The following TUFT1 variants were observed in gnomAD, a reference collection of about 807,000 sequenced individuals.
The protein encoded by TUFT1 is tuftelin 1.
TUFT1 carries 43 observed loss-of-function variants against 57.8 expected under a neutral mutation model. That is an observed-to-expected ratio of 0.74 (90% CI 0.58 to 0.96). The LOEUF (loss-of-function observed/expected upper bound fraction) is 0.96. TUFT1 is among the 40% of genes least tolerant of loss of function. The pLI, the probability that TUFT1 is intolerant of heterozygous loss-of-function variation, is 0.00. For missense variants in TUFT1, 459 were observed against 489.0 expected, an observed-to-expected ratio of 0.94 and a Z score of 0.58; for synonymous variants, 166 against 176.7, an observed-to-expected ratio of 0.94 and a Z score of 0.48.
chr1:151,562,544 A>C, intron 2 of TUFT1, 41 bp from the exon 3 acceptor site: 254 of 1,397,046 alleles, frequency 1.8e-4, no homozygotes, highest in Non-Finnish European at 2.2e-4. Context: ...TGTCTGAGCC[A>C]TCTCTCTCTC....
In TUFT1 at chr1:151,566,236, A is replaced by G. The variant is rs775109904; in HGVS notation, c.480+8A>G. ...TACAGCAGCCCACCTGAGGTAGGTA[A>G]CAGAGGACACCATGGTGGCTCCGCT... is the stretch of plus-strand genomic sequence containing the variant. On this transcript the variant is annotated splice_region_variant and intron_variant, in intron 6 of 12. Transcript: ENST00000368849. 4.3e-6 allele frequency: 7 copies of G among 1,609,334 alleles called. No homozygotes were observed. The highest frequency in any genetic ancestry group is 1.7e-4 in the Middle Eastern group (1 of 5,982).
chr1:151,549,432 C>T (rs1440556657), intron 1 of TUFT1, among the ~76,000 whole-genome samples: 2 of 152,198 alleles, frequency 1.3e-5, no homozygotes, highest in Non-Finnish European at 2.9e-5. Context: ...AGAGAGAGCC[C>T]TAAGTTTTTC....
chr1:151,564,386 C>T, intron 4 of TUFT1, 139 bp from the exon 5 acceptor site: 1 of 638,788 alleles, frequency 1.6e-6, no homozygotes, highest in African/African-American at 1.8e-5. Context: ...TGACCAAGGT[C>T]CCTCCCTCCA....
intron 11 of TUFT1, 142 bp from the exon 12 acceptor site, chr1:151,580,800 G>A: frequency 1.5e-6 from 1 of 673,544 alleles, no homozygotes; most frequent in Admixed American, 2.3e-5. Flanking sequence ...GAGGCAAGTG[G>A]GTATCCAGGT....
rs1665120776 is a variant in TUFT1, at chr1:151,540,408, C to T, written c.42C>T (p.His14=). 1 of 1,614,160 alleles carries T rather than the reference C, an allele frequency of 6.2e-7. No homozygotes were observed. Residue 14 remains histidine (H), a synonymous_variant, in exon 1 of 13, where the codon CAC becomes CAT. Transcript: ENST00000368849. ...ACTGGTGTACCCTGGTGGACGTGCA[C>T]CCAGAGGACCAGGCGGCGGTAAGAA... ...TRNWCTLVDV[H]PEDQAAGSVD...
chr1:151,554,561 G>A (rs1469765403), intron 1 of TUFT1, among the ~76,000 whole-genome samples: 1 of 151,416 alleles, frequency 6.6e-6, no homozygotes, highest in African/African-American at 2.4e-5. Flanking sequence ...TACCACACCC[G>A]GCTAATTTTT....
chr1:151,573,891 G>A (rs1451418947), intron 7 of TUFT1, among the ~76,000 whole-genome samples: 1 of 152,176 alleles, frequency 6.6e-6, no homozygotes, highest in Non-Finnish European at 1.5e-5. Flanking sequence ...AGGAACTGGA[G>A]GTATCCTCCC....
chr1:151,541,166 G>A (rs566664085), intron 1 of TUFT1, among the ~76,000 whole-genome samples: 116 of 152,246 alleles, frequency 7.6e-4, no homozygotes, highest in African/African-American at 2.7e-3. Context: ...CAGGCCCTGG[G>A]ATAGTGGAGG....
At chr1:151,555,329 A>C (rs75883111) in intron 1 of TUFT1, among the ~76,000 whole-genome samples, 1 of 130,192 alleles carries the variant, frequency 7.7e-6, no homozygotes. Flanking sequence ...ACTCCCTCTC[A>C]AAAAAAAAAA....
intron 5 of TUFT1, chr1:151,565,921 A>T (rs113260837): frequency 5.2e-6 from 2 of 384,436 alleles, no homozygotes; most frequent in Admixed American, 7.5e-5. Context: ...TCTTGTTTCT[A>T]TTTTCTCATG....
chr1:151,553,493 G>C (rs1296690379), intron 1 of TUFT1, among the ~76,000 whole-genome samples: 1 of 152,148 alleles, frequency 6.6e-6, no homozygotes, highest in East Asian at 1.9e-4. Context: ...TGGTTTCTAT[G>C]ACCCACCTTG....
chr1:151,544,817 T>G (rs565606221), intron 1 of TUFT1, among the ~76,000 whole-genome samples: 1 of 152,238 alleles, frequency 6.6e-6, no homozygotes, highest in Non-Finnish European at 1.5e-5. Context: ...TGTGTTTACC[T>G]CCATGTTTCT....
chr1:151,581,645 A>G lies in TUFT1; in HGVS notation c.1111A>G (p.Ile371Val). 3.1e-6 allele frequency: 5 copies of G among 1,614,068 alleles called. No individual in the cohort carries two copies. Among genetic ancestry groups the G allele is most frequent in the Admixed American group, 1.7e-5 (1 of 60,010 alleles). ...CAGTGTTTCCAACCTTCTTTTCAGT[A>G]TTAGGATATCCAAGCCGCCTAGCCC... ...ARAKTENPGS[I>V]RISKPPSPKP... Residue 371 changes from isoleucine (I) to valine (V), a missense_variant and splice_region_variant, in exon 13 of 13, where the codon ATT (isoleucine) becomes GTT (valine). Physicochemically the swap from Ile to Val is conservative, Grantham distance 29. Transcript: ENST00000368849.
rs762050269 is a variant in TUFT1 at position 151,581,721 on chromosome 1, G to GGTTGCTGCC, written c.*15_*23dup. The GGTTGCTGCC allele has an allele frequency of 1.9e-6, 3 of 1,614,022 alleles. No homozygotes were observed. The African/African-American group carries it at 4.0e-5, about 22-fold the overall frequency. Reference sequence around the variant, plus strand: ...GTGGAAACCTGAGCTGCCTGGAGATGGTTGCTGCCATTGCTGCTGCCTCTG... The same window carrying GGTTGCTGCC: ...GTGGAAACCTGAGCTGCCTGGAGATGGTTGCTGCCGTTGCTGCCATTGCTGCTGCCTCTG... On this transcript the variant is annotated 3_prime_UTR_variant, in exon 13 of 13. Coordinates refer to ENST00000368849, the MANE Select transcript of TUFT1 (RefSeq NM_020127.3).
intron 5 of TUFT1, chr1:151,564,963 C>T (rs892932449): frequency 1.1e-5 from 2 of 177,506 alleles, no homozygotes; most frequent in African/African-American, 4.8e-5. Flanking sequence ...GTAAAGCAGA[C>T]AATCACCTGT....
At chr1:151,570,931 T>A (rs1666233051) in intron 7 of TUFT1, among the ~76,000 whole-genome samples, 1 of 152,172 alleles carries the variant, frequency 6.6e-6, no homozygotes, top group Non-Finnish European at 1.5e-5. Context: ...GGTCTCAAAC[T>A]CCAAGGCTCA....
chr1:151,572,405 A>G (rs975075298), intron 7 of TUFT1, among the ~76,000 whole-genome samples: 1 of 152,050 alleles, frequency 6.6e-6, no homozygotes, highest in Non-Finnish European at 1.5e-5. Context: ...GGGTGCAAGA[A>G]TCAGACCATG....
At position 151,569,823 on chromosome 1, in the gene TUFT1, C is replaced by T. The variant is rs954206378; in HGVS notation, c.594+53C>T. 67 of 1,396,912 alleles carry T rather than the reference C, an allele frequency of 4.8e-5. No individual in the cohort carries two copies. The Admixed American group carries it at 6.4e-4, about 13-fold the overall frequency. 86.5% of individuals were successfully genotyped at this position (1,396,912 alleles called of 1,614,324 possible). ...GCCCTAAGGGATGGGCTACTGAACACAGGTGCCAGTGATGTCTCAGCTTGG... is the reference window on the plus strand; with the variant it reads ...GCCCTAAGGGATGGGCTACTGAACATAGGTGCCAGTGATGTCTCAGCTTGG... On this transcript the variant is annotated intron_variant, in intron 7 of 12. Transcript: ENST00000368849.
intron 9 of TUFT1, among the ~76,000 whole-genome samples, chr1:151,577,167 G>A (rs1179868900): frequency 2.0e-5 from 3 of 152,216 alleles, no homozygotes; most frequent in African/African-American, 7.2e-5. Flanking sequence ...TCAGCAGGTG[G>A]ATGCATTAAC....
Sources: gnomAD v4.1 joint callset for allele counts (sites outside exome capture counted in the v4.1 genomes callset) on GRCh38, gnomAD v4.1.1 for gene constraint, MANE v1.5 for transcripts, NCBI Gene and HGNC (gene_info 2026-07-23, HGNC 2026-07-21) for gene names.